The following COL15A1 variants were observed in gnomAD, a reference collection of about 807,000 sequenced individuals.
COL15A1 encodes collagen type XV alpha 1 chain.
In COL15A1, 111 loss-of-function variants were observed where a neutral mutation model predicts 165.9. The observed-to-expected ratio is 0.67, with a 90% CI of 0.57 to 0.78. The LOEUF is 0.78. Among genes scored for constraint, COL15A1 ranks in the 30% least tolerant of loss-of-function variants. The pLI is 0.00. For synonymous variants in COL15A1, 659 were observed against 674.8 expected (o/e 0.98, Z 0.36); for missense variants, 1,745 against 1,789.7 (o/e 0.98, Z 0.45).
chr9:99,005,492 C>G (rs900694173), intron 9 of COL15A1, among the ~76,000 whole-genome samples: 29 of 152,142 alleles, frequency 1.9e-4, no homozygotes, highest in Non-Finnish European at 7.4e-5. Flanking sequence ...GGCACATCAT[C>G]CCAAGGCACT....
intron 2 of COL15A1, among the ~76,000 whole-genome samples, chr9:98,971,580 T>C (rs1473791): frequency 0.87 from 133,064 of 152,142 alleles, 58,577 homozygotes; most frequent in African/African-American, 0.97. Context: ...TGGGGTGGCT[T>C]TGTGCCCAGG....
At chr9:98,945,774 T>A (rs1837572217) in intron 2 of COL15A1, among the ~76,000 whole-genome samples, 1 of 152,250 alleles carries the variant, frequency 6.6e-6, no homozygotes, top group Non-Finnish European at 1.5e-5. Flanking sequence ...GCCAACTCAG[T>A]GGCAGAGGCC....
chr9:99,038,592 T>C (rs1202648843), intron 21 of COL15A1, 76 bp from the exon 22 acceptor site: 8 of 939,886 alleles, frequency 8.5e-6, no homozygotes, highest in Non-Finnish European at 1.4e-5. Context: ...GTGACTTTAA[T>C]TAAAGCTTTG....
At chr9:98,984,594 C>T (rs1388814649) in intron 2 of COL15A1, among the ~76,000 whole-genome samples, 1 of 152,164 alleles carries the variant, frequency 6.6e-6, no homozygotes, top group Non-Finnish European at 1.5e-5. Flanking sequence ...ATGCAGAGCG[C>T]TTAGAGCAGG....
At chr9:98,994,286 C>T (rs530697272) in intron 5 of COL15A1, among the ~76,000 whole-genome samples, 58 of 152,240 alleles carry the variant, frequency 3.8e-4, no homozygotes, top group Admixed American at 3.5e-3. Flanking sequence ...GGTCCTCAGC[C>T]AGGGCCTCTT....
At chr9:99,024,277 G>GTTTTTTTTTTTTTTTTTTTTTTTTTT (rs773196929) in intron 14 of COL15A1, among the ~76,000 whole-genome samples, 1 of 108,628 alleles carries the variant, frequency 9.2e-6, no homozygotes, top group Non-Finnish European at 1.8e-5. Flanking sequence ...AGTTTTTTTT[G>GTTTTTTTTTTTTTTTTTTTTTTTTTT]TTTTTTTGTT....
intron 9 of COL15A1, among the ~76,000 whole-genome samples, 169 bp downstream of exon 9, chr9:99,005,219 G>A (rs1304695747): frequency 6.6e-6 from 1 of 152,146 alleles, no homozygotes; most frequent in African/African-American, 2.4e-5. Context: ...TGAGTGTGGT[G>A]AAGCCCCTGG....
intron 5 of COL15A1, among the ~76,000 whole-genome samples, chr9:98,995,716 A>G (rs552610229): frequency 1.3e-5 from 2 of 152,338 alleles, no homozygotes; most frequent in African/African-American, 4.8e-5. Context: ...AATAGAATCC[A>G]TGGTGATTGT....
intron 2 of COL15A1, among the ~76,000 whole-genome samples, chr9:98,967,646 A>T (rs1202399497): frequency 6.6e-6 from 1 of 152,002 alleles, no homozygotes; most frequent in Non-Finnish European, 1.5e-5. Context: ...TGTCTCTACC[A>T]TCTAGTACTG....
intron 30 of COL15A1, among the ~76,000 whole-genome samples, chr9:99,051,593 C>T (rs1442463046): frequency 6.6e-6 from 1 of 152,180 alleles, no homozygotes; most frequent in Non-Finnish European, 1.5e-5. Context: ...CAGCTTGGAG[C>T]TGCAACTTTC....
At chr9:98,978,684 A>T (rs1230097168) in intron 2 of COL15A1, among the ~76,000 whole-genome samples, 1 of 152,136 alleles carries the variant, frequency 6.6e-6, no homozygotes, top group Non-Finnish European at 1.5e-5. Flanking sequence ...GAGTGAGGAA[A>T]AGCAAGAAGA....
At position 98,990,707 on chromosome 9, in the gene COL15A1, G is replaced by A. The variant is rs1019284727; in HGVS notation, c.804+1449G>A. 3.9e-5 allele frequency among the ~76,000 whole-genome samples: 6 copies of A among 152,206 alleles called. No homozygotes were observed. In the East Asian group the frequency reaches 7.7e-4, roughly 20 times the overall value. ...GAAGTAGGGCAGAGAAGCTTGGGAG[G>A]GGGCACCAGAGCTGGGCAGCTTTGG... is the stretch of plus-strand genomic sequence containing the variant. On this transcript the variant is annotated intron_variant, in intron 5 of 41. Transcript: ENST00000375001.
intron 5 of COL15A1, among the ~76,000 whole-genome samples, chr9:98,992,850 T>G (rs1838467784): frequency 6.6e-6 from 1 of 152,162 alleles, no homozygotes; most frequent in Non-Finnish European, 1.5e-5. Flanking sequence ...ACCATGGCAC[T>G]GCAGGCACTG....
chr9:99,033,365 A>G (rs1839240404), intron 16 of COL15A1, among the ~76,000 whole-genome samples: 1 of 145,478 alleles, frequency 6.9e-6, no homozygotes, highest in Admixed American at 6.9e-5. Flanking sequence ...TAAGGTATCC[A>G]TATTTTCTCC....
intron 16 of COL15A1, among the ~76,000 whole-genome samples, chr9:99,032,146 T>C (rs1839220447): frequency 6.6e-6 from 1 of 152,092 alleles, no homozygotes; most frequent in Non-Finnish European, 1.5e-5. Context: ...GTTTAAAAAT[T>C]CCTCTGCATT....
chr9:99,019,512 TCCTCTAGGATCAGTATTGGCCCAG>T (rs1838992291), intron 11 of COL15A1, among the ~76,000 whole-genome samples: 1 of 151,762 alleles, frequency 6.6e-6, no homozygotes, highest in African/African-American at 2.4e-5. Context: ...GCTGCACCCG[TCCTCTAGGATCAGTATTGGCCCAG>T]CCTCTAGGAT....
At chr9:98,966,954 GCTAGT>G (rs1307484017) in intron 2 of COL15A1, among the ~76,000 whole-genome samples, 3 of 152,126 alleles carry the variant, frequency 2.0e-5, no homozygotes, top group African/African-American at 7.2e-5. Context: ...ATACAATCAC[GCTAGT>G]CTAGAGTCCA....
intron 21 of COL15A1, among the ~76,000 whole-genome samples, chr9:99,036,706 A>C (rs999245027): frequency 6.6e-6 from 1 of 152,240 alleles, no homozygotes; most frequent in Non-Finnish European, 1.5e-5. Flanking sequence ...TCCCCAGCCA[A>C]GTGCAGAGCA....
intron 2 of COL15A1, among the ~76,000 whole-genome samples, chr9:98,944,880 A>G (rs1264644666): frequency 2.0e-5 from 3 of 152,216 alleles, no homozygotes; most frequent in African/African-American, 7.2e-5. Context: ...CGGTTGGCTG[A>G]ATAGTAAGAT....
Sources: allele counts gnomAD v4.1 joint callset (sites outside exome capture counted in the v4.1 genomes callset), GRCh38; gene constraint gnomAD v4.1.1; transcripts MANE v1.5; gene names NCBI Gene and HGNC (gene_info 2026-07-23, HGNC 2026-07-21).